The following TMEM117 variants were observed in gnomAD, a reference collection of about 807,000 sequenced individuals.
The protein encoded by TMEM117 is transmembrane protein 117.
TMEM117 carries 27 observed loss-of-function variants against 52.4 expected under a neutral mutation model. The observed-to-expected ratio is 0.51, with a 90% CI of 0.38 to 0.71. The LOEUF (loss-of-function observed/expected upper bound fraction) is 0.71. Ranked by LOEUF, TMEM117 falls within the 30% of genes least tolerant of loss-of-function variation. The pLI, the probability that TMEM117 is intolerant of heterozygous loss-of-function variation, is 0.00. For missense variants in TMEM117, 556 were observed against 630.5 expected, an observed-to-expected ratio of 0.88 and a Z score of 1.26; for synonymous variants, 215 against 206.3, an observed-to-expected ratio of 1.04 and a Z score of -0.36.
At chr12:43,839,939 G>A (rs1316868640) in intron 1 of TMEM117, among the ~76,000 whole-genome samples, 1 of 152,056 alleles carries the variant, frequency 6.6e-6, no homozygotes, top group Non-Finnish European at 1.5e-5. Context: ...AATCTTTGTT[G>A]GACTGGCTCC....
At chr12:44,277,748 A>G (rs891517572) in intron 5 of TMEM117, among the ~76,000 whole-genome samples, 6 of 148,616 alleles carry the variant, frequency 4.0e-5, no homozygotes, top group Admixed American at 6.7e-5. Flanking sequence ...CACTAGCCAG[A>G]CAAAACTCTG....
chr12:44,055,368 G>T (rs1014502577), intron 3 of TMEM117, among the ~76,000 whole-genome samples: 1 of 152,170 alleles, frequency 6.6e-6, no homozygotes, highest in African/African-American at 2.4e-5. Context: ...GTTGGAAACA[G>T]TTACCCAGGA....
At chr12:44,090,398 TTTTATTTATTTATTTATTTA>T (rs199595783) in intron 3 of TMEM117, among the ~76,000 whole-genome samples, 115 of 123,222 alleles carry the variant, frequency 9.3e-4, no homozygotes, top group South Asian at 2.3e-3. Flanking sequence ...TTATCTTACT[TTTTATTTATTTATTTATTTA>T]TTTATTTATT....
the TMEM117 span, among the ~76,000 whole-genome samples, chr12:43,821,381 T>C: frequency 1.3e-5 from 2 of 152,260 alleles, no homozygotes; most frequent in East Asian, 3.9e-4. Context: ...CTTGGGCTTA[T>C]GCAATTCTCC....
chr12:44,241,286 C>A (rs1447844651), intron 5 of TMEM117, among the ~76,000 whole-genome samples: 1 of 151,602 alleles, frequency 6.6e-6, no homozygotes, highest in Non-Finnish European at 1.5e-5. Context: ...GTGGAGCCTG[C>A]ACATAAGAAG....
chr12:43,971,936 C>T (rs1362998701), intron 3 of TMEM117, among the ~76,000 whole-genome samples: 2 of 152,228 alleles, frequency 1.3e-5, no homozygotes, highest in Non-Finnish European at 2.9e-5. Context: ...CTGGCAACCA[C>T]TACTGCACTC....
At chr12:43,932,542 A>G (rs956030326) in intron 2 of TMEM117, among the ~76,000 whole-genome samples, 1 of 152,108 alleles carries the variant, frequency 6.6e-6, no homozygotes, top group Admixed American at 6.5e-5. Context: ...GTCCTAACTC[A>G]CCTTAAAGTA....
At chr12:43,874,643 A>G (rs975777361) in intron 2 of TMEM117, among the ~76,000 whole-genome samples, 4 of 152,148 alleles carry the variant, frequency 2.6e-5, no homozygotes, top group Admixed American at 2.6e-4. Context: ...ATAGCCTCAT[A>G]TAGTCTATTT....
chr12:43,805,371 G>A, the TMEM117 span, among the ~76,000 whole-genome samples: 2 of 152,294 alleles, frequency 1.3e-5, no homozygotes, highest in South Asian at 4.1e-4. Context: ...GTGCGGTGGT[G>A]TCAAAAATCT....
chr12:43,890,023 T>C (rs1944073874), intron 2 of TMEM117, among the ~76,000 whole-genome samples: 1 of 152,184 alleles, frequency 6.6e-6, no homozygotes, highest in African/African-American at 2.4e-5. Context: ...TGGGCTTTTA[T>C]ACAGTTGAGA....
At chr12:43,984,486 A>T (rs751877386) in intron 3 of TMEM117, among the ~76,000 whole-genome samples, 16 of 152,202 alleles carry the variant, frequency 1.1e-4, no homozygotes, top group Non-Finnish European at 2.1e-4. Context: ...TAGTGTTTTC[A>T]TCAGATGAAC....
intron 5 of TMEM117, among the ~76,000 whole-genome samples, chr12:44,259,741 T>C (rs753401576): frequency 1.3e-4 from 20 of 152,184 alleles, no homozygotes; most frequent in Non-Finnish European, 2.5e-4. Context: ...AGAATTACCC[T>C]TTTTGAATTA....
At chr12:43,857,930 A>G (rs1224434090) in intron 2 of TMEM117, among the ~76,000 whole-genome samples, 2 of 152,192 alleles carry the variant, frequency 1.3e-5, no homozygotes, top group Non-Finnish European at 2.9e-5. Context: ...ATGTGCTGAT[A>G]TGGTAACTAT....
intron 2 of TMEM117, among the ~76,000 whole-genome samples, chr12:43,854,628 T>TTTTA (rs199865737): frequency 0.024 from 3,586 of 151,908 alleles, 87 homozygotes; most frequent in East Asian, 0.066. Flanking sequence ...AAAATTTTAT[T>TTTTA]TTTATTTATT....
chr12:44,143,737 T>C (rs1948602898), intron 4 of TMEM117, 113 bp downstream of exon 4: 2 of 685,062 alleles, frequency 2.9e-6, no homozygotes, highest in African/African-American at 3.7e-5. Flanking sequence ...TCTCTTTGAG[T>C]GAAACAAATT....
At chr12:43,807,451 A>G in the TMEM117 span, among the ~76,000 whole-genome samples, 1 of 152,184 alleles carries the variant, frequency 6.6e-6, no homozygotes, top group Admixed American at 6.5e-5. Flanking sequence ...TATGACTTGT[A>G]TGGATTTAAG....
chr12:44,155,514 G>A (rs1359011813), intron 4 of TMEM117, among the ~76,000 whole-genome samples: 2 of 152,034 alleles, frequency 1.3e-5, no homozygotes, highest in African/African-American at 4.8e-5. Flanking sequence ...AGTAGCTTAA[G>A]TCATCAGTTT....
intron 3 of TMEM117, among the ~76,000 whole-genome samples, chr12:44,075,162 C>G (rs754569424): frequency 5.9e-5 from 9 of 152,208 alleles, no homozygotes; most frequent in Non-Finnish European, 1.3e-4. Context: ...CACCTTAAAC[C>G]TGAGCTATGC....
At chr12:44,223,698 T>G (rs2138431699) in intron 5 of TMEM117, among the ~76,000 whole-genome samples, 1 of 152,294 alleles carries the variant, frequency 6.6e-6, no homozygotes, top group South Asian at 2.1e-4. Context: ...TTTCCAAGTT[T>G]TAGGGTCCTG....
Sources: allele counts gnomAD v4.1 joint callset (sites outside exome capture counted in the v4.1 genomes callset), GRCh38; gene constraint gnomAD v4.1.1; transcripts MANE v1.5; gene names NCBI Gene and HGNC (gene_info 2026-07-23, HGNC 2026-07-21).